ABCA9: variants seen among roughly 807,000 people sequenced by gnomAD.
ABCA9 encodes ATP binding cassette subfamily A member 9, also known as ATP-binding cassette sub-family A member 9.
Under a neutral mutation model 205.3 loss-of-function variants are expected in ABCA9, and 183 were observed. The observed-to-expected ratio is 0.89, with a 90% CI of 0.79 to 1.01. ABCA9 has a LOEUF of 1.01. ABCA9 is among the 50% of genes least tolerant of loss of function. The pLI is 0.00. For synonymous variants in ABCA9, 651 were observed against 683.3 expected (o/e 0.95, Z 0.74); for missense variants, 1,805 against 1,912.4 (o/e 0.94, Z 1.05).
intron 22 of ABCA9, among the ~76,000 whole-genome samples, chr17:69,014,349 G>A (rs982432987): frequency 1.3e-5 from 2 of 152,046 alleles, no homozygotes; most frequent in African/African-American, 2.4e-5. Context: ...TGTGTAAAAG[G>A]TGCACATGAA....
chr17:69,073,493 G>C, the ABCA9 span, among the ~76,000 whole-genome samples: 1 of 152,184 alleles, frequency 6.6e-6, no homozygotes, highest in Non-Finnish European at 1.5e-5. Context: ...ACCTGCTCCT[G>C]AATGACTACT....
chr17:69,020,583 A>G lies in ABCA9; in HGVS notation c.2405T>C (p.Ile802Thr), dbSNP rs926118974. 1 of 1,613,164 alleles carries G rather than the reference A, an allele frequency of 6.2e-7. No homozygotes were observed. Among genetic ancestry groups the G allele is most frequent in the South Asian group, 1.1e-5 (1 of 90,958 alleles). Reference sequence around the variant, plus strand: ...AGTTTGTAATTGTCCCCAAATTCCAATATCTAAAACATAAGATCAATATTT... The same window carrying G: ...AGTTTGTAATTGTCCCCAAATTCCAGTATCTAAAACATAAGATCAATATTT... ...EGKSTIDESD[I>T]GIWGQLQTDG... The change falls in exon 19 of 39, where the codon ATT (isoleucine) becomes ACT (threonine). Residue 802 changes from isoleucine (I) to threonine (T), a missense_variant. Transcript: ENST00000340001.
chr17:69,019,174 T>C (rs2070735018), intron 19 of ABCA9, among the ~76,000 whole-genome samples: 1 of 152,146 alleles, frequency 6.6e-6, no homozygotes, highest in Admixed American at 6.6e-5. Context: ...CTCTTCAATA[T>C]TGTTCTAAAT....
chr17:68,995,822 T>C (rs2069600604), intron 26 of ABCA9, 73 bp downstream of exon 26: 2 of 1,571,856 alleles, frequency 1.3e-6, no homozygotes, highest in African/African-American at 2.7e-5. Context: ...TCTATCTATA[T>C]TTTTGCAATA....
the ABCA9 span, among the ~76,000 whole-genome samples, chr17:69,069,819 T>C: frequency 6.6e-6 from 1 of 152,194 alleles, no homozygotes; most frequent in Non-Finnish European, 1.5e-5. Context: ...ATTATGATAT[T>C]TTTAGCAAAC....
intron 18 of ABCA9, among the ~76,000 whole-genome samples, chr17:69,021,179 T>G (rs1430658160): frequency 6.6e-6 from 1 of 151,706 alleles, no homozygotes; most frequent in African/African-American, 2.4e-5. Flanking sequence ...AAAGGAGGAT[T>G]AAAGAAAAAT....
intron 22 of ABCA9, 156 bp from the exon 23 acceptor site, chr17:69,012,239 T>A: frequency 1.9e-6 from 1 of 533,326 alleles, no homozygotes; most frequent in Non-Finnish European, 3.3e-6. Context: ...TCATTTTCAA[T>A]CCTGTATTGC....
chr17:69,026,506 C>A (rs751956523), intron 15 of ABCA9, 39 bp from the exon 16 acceptor site: 30 of 1,522,978 alleles, frequency 2.0e-5, no homozygotes, highest in Non-Finnish European at 2.6e-5. Context: ...ACATGAAGGA[C>A]TTATTTCTTT....
chr17:69,043,438 A>T, intron 6 of ABCA9, 51 bp downstream of exon 6: 2 of 1,436,238 alleles, frequency 1.4e-6, no homozygotes, highest in Non-Finnish European at 1.9e-6. Flanking sequence ...CAACCAGCTA[A>T]GTTGTTCTGT....
intron 6 of ABCA9, among the ~76,000 whole-genome samples, chr17:69,041,830 T>A (rs140775846): frequency 6.6e-6 from 1 of 152,128 alleles, no homozygotes; most frequent in Non-Finnish European, 1.5e-5. Context: ...AGAAAAACTT[T>A]CATCATAAAC....
At chr17:68,996,037 C>G (rs749630517) in intron 25 of ABCA9, 23 bp from the exon 26 acceptor site, 2 of 1,608,580 alleles carry the variant, frequency 1.2e-6, no homozygotes, top group East Asian at 4.5e-5. Flanking sequence ...CACAGTATAG[C>G]GTCATTAAAG....
chr17:69,035,252 C>A lies in ABCA9; in HGVS notation c.1122G>T (p.Met374Ile). 1.3e-6 allele frequency: 2 copies of A among 1,568,812 alleles called. No individual in the cohort carries two copies. The highest frequency in any genetic ancestry group is 1.9e-5 in the Admixed American group (1 of 52,568). The stretch of plus-strand genomic sequence containing the variant: ...GTGTTACCTTAACTCTTACCTGGGC[C>A]ATCCCAACAGTGAAGGCAAAGGGGC... The part of the protein sequence containing the change: ...LLSPFAFTVG[M>I]AQLIHLDYDV... Residue 374 changes from methionine to isoleucine, a missense_variant, in exon 8 of 39, where the codon ATG (methionine) becomes ATT (isoleucine). Met to Ile is a conservative substitution (Grantham distance 10, BLOSUM62 1). Transcript: ENST00000340001.
At chr17:69,017,598 C>A in intron 21 of ABCA9, 58 bp downstream of exon 21, 1 of 1,582,436 alleles carries the variant, frequency 6.3e-7, no homozygotes. Flanking sequence ...ATGAATTATT[C>A]AAATTGTACA....
At chr17:69,004,742 T>G (rs1249150281) in intron 25 of ABCA9, 1 of 159,138 alleles carries the variant, frequency 6.3e-6, no homozygotes, top group African/African-American at 2.4e-5. Context: ...GATCTCAGAC[T>G]GCTGTGCTAG....
chr17:69,044,038 C>T (rs1374196572), intron 5 of ABCA9, among the ~76,000 whole-genome samples: 1 of 152,048 alleles, frequency 6.6e-6, no homozygotes, highest in Admixed American at 6.6e-5. Flanking sequence ...TTTTAAATTC[C>T]ATGATAGAAT....
At chr17:68,979,558 A>ACAGAATGGT (rs1900423507) in intron 37 of ABCA9, among the ~76,000 whole-genome samples, 1 of 151,300 alleles carries the variant, frequency 6.6e-6, no homozygotes, top group African/African-American at 2.5e-5. Flanking sequence ...AGTAACCAAA[A>ACAGAATGGT]CAGAATGGTA....
upstream of ABCA9, among the ~76,000 whole-genome samples, chr17:69,065,666 G>T (rs11077922): frequency 0.42 from 64,530 of 151,906 alleles, 15,461 homozygotes; most frequent in Middle Eastern, 0.56. Flanking sequence ...ACAACTATCT[G>T]CTCAGCTCCT....
Position 68,975,029 on chromosome 17 carries a change from G to GGGT in ABCA9, c.*883_*885dup, listed in dbSNP as rs2068861836. On this transcript the variant is annotated 3_prime_UTR_variant, in exon 39 of 39. Transcript: ENST00000340001. Reference sequence around the variant, plus strand: ...GCCCCCATCCCCCCAACAGGCCCCAGGGTGTGGTGTTCCCCTCCCTGTGTC... The same window carrying GGGT: ...GCCCCCATCCCCCCAACAGGCCCCAGGGTGGTGTGGTGTTCCCCTCCCTGTGTC... 6.6e-6 allele frequency: 1 copy of GGGT among 151,862 alleles called. No homozygotes were observed. Among genetic ancestry groups the GGGT allele is most frequent in the Non-Finnish European group, 1.5e-5 (1 of 67,988 alleles). The allele number at this position is 151,862 out of a possible 1,614,324, so 9.4% of individuals were successfully genotyped here.
intron 25 of ABCA9, among the ~76,000 whole-genome samples, chr17:68,998,685 A>T (rs574473480): frequency 1.3e-5 from 2 of 152,188 alleles, no homozygotes; most frequent in South Asian, 4.1e-4. Flanking sequence ...TTGTATTTAC[A>T]TCTTTTCTTA....
Sources: allele counts gnomAD v4.1 joint callset (sites outside exome capture counted in the v4.1 genomes callset), GRCh38; gene constraint gnomAD v4.1.1; transcripts MANE v1.5; gene names NCBI Gene and HGNC (gene_info 2026-07-23, HGNC 2026-07-21).